ESRRG: variants seen among roughly 807,000 people sequenced by gnomAD.
ESRRG encodes the protein estrogen-related receptor gamma.
In ESRRG, 13 loss-of-function variants were observed where a neutral mutation model predicts 44.0. The observed-to-expected ratio is 0.30, with a 90% confidence interval of 0.19 to 0.47. ESRRG has a LOEUF of 0.47. Among genes scored for constraint, ESRRG ranks in the 20% least tolerant of loss-of-function variants. The pLI, the probability that ESRRG is intolerant of heterozygous loss-of-function variation, is 1.00. For missense variants in ESRRG, 395 were observed against 580.6 expected, an observed-to-expected ratio of 0.68 and a Z score of 3.29; for synonymous variants, 215 against 214.6, an observed-to-expected ratio of 1.00 and a Z score of -0.02.
At chr1:216,559,275 G>C (rs2058234015) in intron 5 of ESRRG, among the ~76,000 whole-genome samples, 1 of 152,100 alleles carries the variant, frequency 6.6e-6, no homozygotes, top group South Asian at 2.1e-4. Flanking sequence ...CTACTTCACA[G>C]TTCTAAAATC....
intron 1 of ESRRG, among the ~76,000 whole-genome samples, chr1:216,987,685 G>A (rs989897351): frequency 6.6e-6 from 1 of 152,160 alleles, no homozygotes. Context: ...AGCAGGAGTT[G>A]CCAGTGCCCC....
At chr1:216,936,699 C>T (rs1298752850) in intron 2 of ESRRG, 2 of 151,290 alleles carry the variant, frequency 1.3e-5, no homozygotes, top group African/African-American at 4.9e-5. Flanking sequence ...CTCTCACGGA[C>T]CTTGAGGAAA....
chr1:216,519,470 T>C, intron 5 of ESRRG, 49 bp from the exon 6 acceptor site: 2 of 1,540,746 alleles, frequency 1.3e-6, no homozygotes, highest in South Asian at 1.2e-5. Context: ...CATAATTTCA[T>C]AATGCAACAT....
At chr1:216,521,225 A>G (rs1200809828) in intron 5 of ESRRG, among the ~76,000 whole-genome samples, 2 of 152,154 alleles carry the variant, frequency 1.3e-5, no homozygotes, top group African/African-American at 2.4e-5. Flanking sequence ...ATAATAGCTG[A>G]TAACATTTTA....
At position 216,837,459 on chromosome 1, in the gene ESRRG, T is replaced by A. The variant is rs938487753; in HGVS notation, c.-14+102123A>T. ...ATAGAAATCTCCAATTTTTAGAATA[T>A]TAAAACTGCCATTTCATATTTAAAT... On this transcript the variant is annotated intron_variant, in intron 2 of 7. Coordinates refer to the ESRRG transcript ENST00000359162. 2.0e-5 allele frequency among the ~76,000 whole-genome samples: 3 copies of A among 152,250 alleles called. No individual in the cohort carries two copies. The East Asian group carries it at 5.8e-4, about 29-fold the overall frequency.
At chr1:216,546,165 C>G (rs2054451128) in intron 5 of ESRRG, among the ~76,000 whole-genome samples, 1 of 152,022 alleles carries the variant, frequency 6.6e-6, no homozygotes, top group Non-Finnish European at 1.5e-5. Flanking sequence ...GGCCTCTACC[C>G]ACTGGATCTC....
chr1:216,649,011 G>T (rs756985430), intron 3 of ESRRG, among the ~76,000 whole-genome samples: 2 of 152,060 alleles, frequency 1.3e-5, no homozygotes, highest in Non-Finnish European at 2.9e-5. Flanking sequence ...CTGCTATAGG[G>T]GTTAAGGCAA....
chr1:216,988,310 G>A (rs1425687720), intron 1 of ESRRG, among the ~76,000 whole-genome samples: 2 of 152,184 alleles, frequency 1.3e-5, no homozygotes, highest in South Asian at 4.1e-4. Flanking sequence ...TTACCATCAG[G>A]ATTTAGGTAT....
intron 2 of ESRRG, among the ~76,000 whole-genome samples, chr1:216,853,635 T>A (rs536862582): frequency 2.6e-5 from 4 of 152,194 alleles, no homozygotes; most frequent in South Asian, 2.1e-4. Context: ...TATCCACCCA[T>A]CACATTTTAC....
At chr1:216,793,723 G>A (rs1269486911) in intron 2 of ESRRG, among the ~76,000 whole-genome samples, 3 of 152,116 alleles carry the variant, frequency 2.0e-5, no homozygotes, top group Admixed American at 6.6e-5. Context: ...TTTGTTATGT[G>A]TCCTAATACA....
Position 216,505,991 on chromosome 1 carries a change from T to C in ESRRG, c.*948A>G, listed in dbSNP as rs940524402. On this transcript the variant is annotated 3_prime_UTR_variant, in exon 7 of 7. Transcript: ENST00000408911. ...GTAATTGTTCAAAGCCAGCACAAAATTGCAGTATTCTTATTTCTCTTTAGT... is the reference window on the plus strand; with the variant it reads ...GTAATTGTTCAAAGCCAGCACAAAACTGCAGTATTCTTATTTCTCTTTAGT... The C allele has an allele frequency of 6.5e-6, 1 of 152,774 alleles. No individual in the cohort carries two copies. Among genetic ancestry groups the C allele is most frequent in the Non-Finnish European group, 1.5e-5 (1 of 68,032 alleles). The allele number at this position is 152,774 out of a possible 1,614,324, so 9.5% of individuals were successfully genotyped here.
At chr1:217,074,667 A>T (rs986653907) in intron 1 of ESRRG, among the ~76,000 whole-genome samples, 14 of 152,256 alleles carry the variant, frequency 9.2e-5, no homozygotes, top group African/African-American at 3.4e-4. Flanking sequence ...GCAAGACGCC[A>T]TGTCTACAAA....
chr1:216,670,422 C>T (rs1222362019), intron 2 of ESRRG, among the ~76,000 whole-genome samples: 2 of 152,208 alleles, frequency 1.3e-5, no homozygotes, highest in African/African-American at 2.4e-5. Context: ...GATTTAGGCT[C>T]ACATTAATGC....
At chr1:217,119,926 G>C (rs908454314) in intron 1 of ESRRG, among the ~76,000 whole-genome samples, 1 of 152,044 alleles carries the variant, frequency 6.6e-6, no homozygotes, top group Admixed American at 6.6e-5. Flanking sequence ...AACATTGCTG[G>C]GCAAATATTG....
At chr1:216,583,044 G>GA (rs66788317) in intron 3 of ESRRG, among the ~76,000 whole-genome samples, 26,746 of 147,576 alleles carry the variant, frequency 0.18, 2,975 homozygotes, top group Middle Eastern at 0.26. Context: ...AGTGTTTGAA[G>GA]AAAAAAAAAA....
intron 6 of ESRRG, among the ~76,000 whole-genome samples, chr1:216,510,242 C>T (rs1235362452): frequency 6.6e-6 from 1 of 152,046 alleles, no homozygotes; most frequent in African/African-American, 2.4e-5. Context: ...TACTGCCAAG[C>T]CAGGATTAAG....
chr1:216,523,002 T>A (rs2046543934), intron 5 of ESRRG, among the ~76,000 whole-genome samples: 1 of 152,196 alleles, frequency 6.6e-6, no homozygotes, highest in Admixed American at 6.5e-5. Flanking sequence ...AAATAAAATA[T>A]GCTTTGCAGT....
In ESRRG at chr1:217,076,317, G is replaced by C. The variant is rs12058329; in HGVS notation, c.-106+13190C>G. Among the ~76,000 whole-genome samples the C allele has an allele frequency of 5.5e-3, 839 of 152,206 alleles. 9 individuals carry two copies. The highest frequency in any genetic ancestry group is 0.019 in the African/African-American group (796 of 41,514). On this transcript the variant is annotated intron_variant, in intron 1 of 7. Coordinates refer to the ESRRG transcript ENST00000359162. ...CTTCCAAATGTCCCCTTTCCCCCCA[G>C]ATTTGGCTACTAGACATTCCTCACT... is the stretch of plus-strand genomic sequence containing the variant.
rs75801736 is a variant in ESRRG, at chr1:217,125,968, C to A, written c.-230+11699G>T. Among the ~76,000 whole-genome samples the A allele has an allele frequency of 6.2e-4, 95 of 152,182 alleles. No individual in the cohort carries two copies. In the East Asian group the frequency reaches 0.018, roughly 29 times the overall value. On this transcript the variant is annotated intron_variant, in intron 1 of 8. Coordinates refer to the ESRRG transcript ENST00000366940. ...GGGATTCAGTATTTCTAGAGCAGGGCCCAGGGCTCTACATTTTACACAAAT... is the reference window on the plus strand; with the variant it reads ...GGGATTCAGTATTTCTAGAGCAGGGACCAGGGCTCTACATTTTACACAAAT...
Sources: gnomAD v4.1 joint callset for allele counts (sites outside exome capture counted in the v4.1 genomes callset) on GRCh38, gnomAD v4.1.1 for gene constraint, MANE v1.5 for transcripts, NCBI Gene and HGNC (gene_info 2026-07-23, HGNC 2026-07-21) for gene names.